Variants in CPVL observed in about 807,000 individuals in gnomAD.
CPVL encodes the protein probable serine carboxypeptidase CPVL.
Under a neutral mutation model 63.7 loss-of-function variants are expected in CPVL, and 51 were observed. That is an observed-to-expected ratio of 0.80 (90% confidence interval 0.64 to 1.01). CPVL has a LOEUF of 1.01. Ranked by LOEUF, CPVL falls within the 50% of genes least tolerant of loss-of-function variation. The pLI, the probability that CPVL is intolerant of heterozygous loss-of-function variation, is 0.00. For synonymous variants in CPVL, 195 were observed against 206.0 expected, an observed-to-expected ratio of 0.95 and a Z score of 0.46; for missense variants, 530 against 573.1, an observed-to-expected ratio of 0.92 and a Z score of 0.77.
intron 12 of CPVL, among the ~76,000 whole-genome samples, chr7:29,013,603 G>C (rs772090906): frequency 2.0e-5 from 3 of 152,144 alleles, no homozygotes; most frequent in Non-Finnish European, 4.4e-5. Context: ...CCCATATTAG[G>C]CAAACCACCA....
chr7:29,003,709 G>A (rs1784892511), intron 12 of CPVL, among the ~76,000 whole-genome samples: 1 of 152,216 alleles, frequency 6.6e-6, no homozygotes, highest in Non-Finnish European at 1.5e-5. Context: ...TCTGACACCA[G>A]GGACCAATTT....
At chr7:29,024,171 G>A (rs1303343505) in intron 12 of CPVL, among the ~76,000 whole-genome samples, 5 of 152,104 alleles carry the variant, frequency 3.3e-5, no homozygotes, top group African/African-American at 1.2e-4. Context: ...CAGAAATCCT[G>A]TAACTGAAGA....
At chr7:29,019,888 T>C (rs558264059) in intron 12 of CPVL, among the ~76,000 whole-genome samples, 9 of 152,350 alleles carry the variant, frequency 5.9e-5, no homozygotes, top group Admixed American at 3.3e-4. Context: ...GCAGATCCCT[T>C]GCTGCGTGGT....
chr7:29,096,061 G>C (rs1786370491), intron 4 of CPVL, 42 bp downstream of exon 4: 3 of 1,476,088 alleles, frequency 2.0e-6, no homozygotes, highest in African/African-American at 2.8e-5. Flanking sequence ...ATGAGGCTCA[G>C]ATGAAAGATT....
At chr7:29,169,297 CT>C (rs892096871) in intron 5 of CPVL, among the ~76,000 whole-genome samples, 8 of 152,118 alleles carry the variant, frequency 5.3e-5, no homozygotes, top group African/African-American at 1.4e-4. Context: ...TATTCAATCC[CT>C]TAAAATATAT....
At chr7:29,051,929 A>G (rs1010089479) in intron 11 of CPVL, among the ~76,000 whole-genome samples, 4 of 102,606 alleles carry the variant, frequency 3.9e-5, no homozygotes, top group African/African-American at 1.1e-4. Context: ...ACATATATAT[A>G]TTCCAAATAT....
At chr7:29,079,057 T>C (rs17748925) in intron 7 of CPVL, among the ~76,000 whole-genome samples, 1 of 152,172 alleles carries the variant, frequency 6.6e-6, no homozygotes, top group Non-Finnish European at 1.5e-5. Flanking sequence ...CTTATATCAC[T>C]TGAAACTTCC....
At chr7:29,022,076 G>A (rs1159234742) in intron 12 of CPVL, among the ~76,000 whole-genome samples, 2 of 152,160 alleles carry the variant, frequency 1.3e-5, no homozygotes, top group East Asian at 1.9e-4. Flanking sequence ...TGGGGCTGTT[G>A]CCACTGACAG....
intron 2 of CPVL, among the ~76,000 whole-genome samples, chr7:29,118,851 T>A (rs1323154776): frequency 6.6e-6 from 1 of 152,194 alleles, no homozygotes; most frequent in Admixed American, 6.5e-5. Flanking sequence ...ACAGGCACCA[T>A]CTCTGCCTTC....
intron 3 of CPVL, among the ~76,000 whole-genome samples, chr7:29,099,953 TA>T (rs1343056829): frequency 6.6e-6 from 1 of 152,196 alleles, no homozygotes; most frequent in Non-Finnish European, 1.5e-5. Context: ...AATGATGCTG[TA>T]AACTCCAATG....
At chr7:29,030,825 G>A in intron 11 of CPVL, 66 bp from the exon 12 acceptor site, 2 of 1,333,048 alleles carry the variant, frequency 1.5e-6, no homozygotes, top group Non-Finnish European at 2.1e-6. Context: ...ATCGAGCTAG[G>A]TATAAATAGT....
rs1785851100 is a variant in CPVL at position 29,011,711 on chromosome 7, A to G, written c.1321-15829T>C. Reference sequence around the variant, plus strand: ...AACACTCCACTGAAATCATCAAAACAGTAAAAAAAAATTGTGAGATAGCAC... The same window carrying G: ...AACACTCCACTGAAATCATCAAAACGGTAAAAAAAAATTGTGAGATAGCAC... On this transcript the variant is annotated intron_variant, in intron 12 of 12. Transcript: ENST00000265394. 8 of 131,246 alleles carry G rather than the reference A, an allele frequency of 6.1e-5. No individual in the cohort carries two copies. In the South Asian group the frequency reaches 2.0e-3, roughly 32 times the overall value. 8.1% of individuals were successfully genotyped at this position (131,246 alleles called of 1,614,324 possible).
chr7:29,165,029 T>G lies in CPVL; in HGVS notation c.-11+16261A>C, dbSNP rs539860250. Reference sequence around the variant, plus strand: ...TTATTCTTTTTCAGATGTTTTTGACTATTCTACATCTTTTGAACTTCCATA... The same window carrying G: ...TTATTCTTTTTCAGATGTTTTTGACGATTCTACATCTTTTGAACTTCCATA... On this transcript the variant is annotated intron_variant, in intron 5 of 16. Transcript: ENST00000409850. 1.3e-4 allele frequency among the ~76,000 whole-genome samples: 20 copies of G among 152,296 alleles called. No individual in the cohort carries two copies. In the South Asian group the frequency reaches 3.7e-3, roughly 28 times the overall value.
At chr7:29,042,262 C>A (rs980569949) in intron 11 of CPVL, among the ~76,000 whole-genome samples, 2 of 152,026 alleles carry the variant, frequency 1.3e-5, no homozygotes, top group African/African-American at 4.8e-5. Flanking sequence ...GCTTGCCCTG[C>A]CAGCTCTCTG....
chr7:28,999,400 T>C (rs1015797790), intron 12 of CPVL, among the ~76,000 whole-genome samples: 2 of 152,206 alleles, frequency 1.3e-5, no homozygotes, highest in Admixed American at 6.5e-5. Context: ...CAACTGCTTG[T>C]TGAAAACCAC....
At chr7:29,097,527 T>C (rs573371202) in intron 3 of CPVL, among the ~76,000 whole-genome samples, 2 of 152,200 alleles carry the variant, frequency 1.3e-5, no homozygotes, top group South Asian at 4.2e-4. Flanking sequence ...AAACCCCATC[T>C]CCACTAAAAA....
At chr7:29,120,027 C>T (rs970994072) in intron 2 of CPVL, among the ~76,000 whole-genome samples, 3 of 152,178 alleles carry the variant, frequency 2.0e-5, no homozygotes, top group African/African-American at 7.2e-5. Flanking sequence ...CTCTACTAGT[C>T]TTATAAATAA....
At chr7:29,034,853 G>GGAAAAA (rs1193178597) in intron 11 of CPVL, among the ~76,000 whole-genome samples, 3 of 123,982 alleles carry the variant, frequency 2.4e-5, no homozygotes, top group African/African-American at 5.9e-5. Flanking sequence ...TTTTATAATG[G>GGAAAAA]AAAAAAAAAA....
intron 1 of CPVL, among the ~76,000 whole-genome samples, chr7:29,144,205 C>T (rs1044117508): frequency 1.3e-5 from 2 of 152,140 alleles, no homozygotes; most frequent in African/African-American, 2.4e-5. Context: ...ATTATAAAGC[C>T]ATCGGAAATG....
Sources: allele counts gnomAD v4.1 joint callset (sites outside exome capture counted in the v4.1 genomes callset), GRCh38; gene constraint gnomAD v4.1.1; transcripts MANE v1.5; gene names NCBI Gene and HGNC (gene_info 2026-07-23, HGNC 2026-07-21).